KAZN: variants seen among roughly 807,000 people sequenced by gnomAD.
KAZN encodes the protein kazrin.
KAZN carries 40 observed loss-of-function variants against 87.4 expected under a neutral mutation model. The ratio of observed to expected loss-of-function variants is 0.46; its 90% CI spans 0.36 to 0.60. The LOEUF is 0.60. Ranked by LOEUF, KAZN falls within the 20% of genes least tolerant of loss-of-function variation. The pLI is 0.00. For missense variants in KAZN, 898 were observed against 1,073.9 expected (o/e 0.84, Z 2.29); for synonymous variants, 466 against 458.3 (o/e 1.02, Z -0.22).
Position 14,107,617 on chromosome 1 carries a change from C to A in KAZN, c.92-72818C>A, listed in dbSNP as rs541965177. 7.2e-5 allele frequency among the ~76,000 whole-genome samples: 11 copies of A among 152,212 alleles called. No homozygotes were observed. In the East Asian group the frequency reaches 1.5e-3, roughly 21 times the overall value. Reference sequence around the variant, plus strand: ...GGTGGGTTTCCATACAAGGCCACCTCGGTTGAGCTCTTCAGTCTTCAGGAG... The same window carrying A: ...GGTGGGTTTCCATACAAGGCCACCTAGGTTGAGCTCTTCAGTCTTCAGGAG... On this transcript the variant is annotated intron_variant, in intron 1 of 16. Coordinates refer to the KAZN transcript ENST00000636203.
At chr1:15,000,254 G>T (rs1668335012) in intron 2 of KAZN, among the ~76,000 whole-genome samples, 1 of 150,326 alleles carries the variant, frequency 6.7e-6, no homozygotes, top group African/African-American at 2.5e-5. Flanking sequence ...GCCTCTAAAG[G>T]CTGGGAAAGG....
intron 2 of KAZN, among the ~76,000 whole-genome samples, chr1:14,971,686 T>TC (rs1270979116): frequency 2.8e-5 from 4 of 143,468 alleles, no homozygotes; most frequent in Non-Finnish European, 4.5e-5. Flanking sequence ...TTTTTCTTTT[T>TC]TTTTTTTTTT....
intron 1 of KAZN, among the ~76,000 whole-genome samples, chr1:14,841,405 CAAAAAAAAAAA>C (rs57248871): frequency 2.3e-5 from 2 of 88,880 alleles, no homozygotes; most frequent in African/African-American, 8.7e-5. Flanking sequence ...GACTCCGTCT[CAAAAAAAAAAA>C]AAAAAAAAAA....
intron 2 of KAZN, among the ~76,000 whole-genome samples, chr1:14,251,805 A>C (rs1650069458): frequency 6.6e-6 from 1 of 151,642 alleles, no homozygotes; most frequent in African/African-American, 2.4e-5. Flanking sequence ...CATGCAACCA[A>C]GCCCAGCTAA....
chr1:15,007,588 G>A (rs531120950), intron 2 of KAZN, among the ~76,000 whole-genome samples: 2 of 152,210 alleles, frequency 1.3e-5, no homozygotes, highest in Non-Finnish European at 2.9e-5. Context: ...CTGGTGGGAC[G>A]CAAGGTGGGC....
chr1:14,260,659 C>T (rs1650942631), intron 2 of KAZN, among the ~76,000 whole-genome samples: 1 of 152,186 alleles, frequency 6.6e-6, no homozygotes, highest in Non-Finnish European at 1.5e-5. Context: ...AGGACACGGG[C>T]CCGGCTGGCA....
At chr1:14,257,959 T>TAAAAAAAAAAAAAGAGAAAAAAA (rs1326662783) in intron 2 of KAZN, among the ~76,000 whole-genome samples, 1 of 28,742 alleles carries the variant, frequency 3.5e-5, no homozygotes, top group African/African-American at 1.1e-4. Context: ...AAAAAAACAT[T>TAAAAAAAAAAAAAGAGAAAAAAA]AAAAAAAAAA....
intron 2 of KAZN, among the ~76,000 whole-genome samples, chr1:14,251,951 C>T (rs917510526): frequency 1.3e-5 from 2 of 151,924 alleles, no homozygotes; most frequent in Non-Finnish European, 2.9e-5. Context: ...GCCCGACCCT[C>T]CTTGGATCTT....
chr1:14,834,366 T>C (rs1007124521), intron 1 of KAZN, among the ~76,000 whole-genome samples: 2 of 135,618 alleles, frequency 1.5e-5, no homozygotes, highest in South Asian at 2.5e-4. Context: ...CTTTTTTTTT[T>C]TTTTTTTTTT....
chr1:14,467,434 A>T (rs1190391718), intron 2 of KAZN, among the ~76,000 whole-genome samples: 1 of 152,036 alleles, frequency 6.6e-6, no homozygotes, highest in Non-Finnish European at 1.5e-5. Flanking sequence ...AAGACTTAAG[A>T]TATACAGAAA....
chr1:14,958,982 A>G (rs951194963), intron 1 of KAZN, among the ~76,000 whole-genome samples: 4 of 152,232 alleles, frequency 2.6e-5, no homozygotes, highest in Non-Finnish European at 5.9e-5. Context: ...GCGGCCATGG[A>G]CAAAACAGAC....
At chr1:14,689,422 C>G (rs553898020) in intron 1 of KAZN, among the ~76,000 whole-genome samples, 1 of 152,140 alleles carries the variant, frequency 6.6e-6, no homozygotes, top group Non-Finnish European at 1.5e-5. Flanking sequence ...ATATGCTGGA[C>G]AAAGCTGCCG....
In KAZN at chr1:15,057,511, C is replaced by G. The variant is rs113931292; in HGVS notation, c.916+1231C>G. Among the ~76,000 whole-genome samples, 1,324 of 152,266 alleles carry G rather than the reference C, an allele frequency of 8.7e-3. 17 individuals are homozygous for G. The highest frequency in any genetic ancestry group is 0.042 in the South Asian group (205 of 4,830). The stretch of plus-strand genomic sequence containing the variant: ...AGGTGACACAGGGGACTTTGAGAAC[C>G]CAGACAGTAAGCAAATTCAGAGTCT... On this transcript the variant is annotated intron_variant, in intron 5 of 14. Coordinates refer to ENST00000376030, the MANE Select transcript of KAZN (RefSeq NM_201628.3).
intron 1 of KAZN, among the ~76,000 whole-genome samples, chr1:14,836,120 AGGCAACT>A (rs886235757): frequency 6.6e-6 from 1 of 152,160 alleles, no homozygotes; most frequent in African/African-American, 2.4e-5. Context: ...TGCTTCCTGC[AGGCAACT>A]GGCTCCTGAG....
intron 2 of KAZN, among the ~76,000 whole-genome samples, chr1:14,985,319 G>GGGAGGCCA (rs1666693446): frequency 6.9e-6 from 1 of 145,964 alleles, no homozygotes; most frequent in African/African-American, 2.6e-5. Context: ...CACATGAGCT[G>GGGAGGCCA]AGGAGTTTGA....
Position 14,479,876 on chromosome 1 carries a change from C to G in KAZN, c.250-119107C>G, listed in dbSNP as rs148191184. Among the ~76,000 whole-genome samples, 17 of 152,238 alleles carry G rather than the reference C, an allele frequency of 1.1e-4. No homozygotes were observed. The East Asian group carries it at 3.1e-3, about 28-fold the overall frequency. The stretch of plus-strand genomic sequence containing the variant: ...TCTCTATTCAATGTCTTACTAGGTC[C>G]CAAGCTGAAAAGTGTGGAGCATCTG... On this transcript the variant is annotated intron_variant, in intron 2 of 16. Coordinates refer to the KAZN transcript ENST00000636203.
At chr1:14,031,760 C>A (rs1359316140) in intron 1 of KAZN, among the ~76,000 whole-genome samples, 1 of 152,192 alleles carries the variant, frequency 6.6e-6, no homozygotes, top group Non-Finnish European at 1.5e-5. Context: ...GACTCTGCTT[C>A]AAGGGCAGGA....
At chr1:14,386,792 T>C (rs200734965) in intron 2 of KAZN, among the ~76,000 whole-genome samples, 1 of 152,012 alleles carries the variant, frequency 6.6e-6, no homozygotes, top group Admixed American at 6.6e-5. Context: ...ATTATGTGTC[T>C]TGGAGTTGCT....
chr1:15,026,919 G>A (rs116139874), intron 2 of KAZN, among the ~76,000 whole-genome samples: 87 of 151,764 alleles, frequency 5.7e-4, no homozygotes, highest in African/African-American at 2.1e-3. Flanking sequence ...ATGTTTCATC[G>A]GGGACTTGAG....
Sources: allele counts gnomAD v4.1 joint callset (sites outside exome capture counted in the v4.1 genomes callset), GRCh38; gene constraint gnomAD v4.1.1; transcripts MANE v1.5; gene names NCBI Gene and HGNC (gene_info 2026-07-23, HGNC 2026-07-21).